The following GRM5 variants were observed in gnomAD, a reference collection of about 807,000 sequenced individuals.
GRM5 encodes glutamate metabotropic receptor 5, also known as metabotropic glutamate receptor 5.
A neutral mutation model predicts 83.1 loss-of-function variants in GRM5; 19 were observed. That is an observed-to-expected ratio of 0.23 (90% confidence interval 0.16 to 0.34). The LOEUF is 0.34. Ranked by LOEUF, GRM5 falls within the 10% of genes least tolerant of loss-of-function variation. The pLI, the probability that GRM5 is intolerant of heterozygous loss-of-function variation, is 1.00. For missense variants in GRM5, 1,160 were observed against 1,588.3 expected, an observed-to-expected ratio of 0.73 and a Z score of 4.58; for synonymous variants, 675 against 633.6, an observed-to-expected ratio of 1.07 and a Z score of -0.98.
intron 2 of GRM5, among the ~76,000 whole-genome samples, chr11:89,004,160 C>T (rs971598107): frequency 4.0e-5 from 6 of 148,734 alleles, no homozygotes; most frequent in African/African-American, 1.6e-4. Flanking sequence ...GTACTAAATG[C>T]TATGTTTTCA....
At chr11:88,866,870 A>T (rs1944676317) in intron 2 of GRM5, among the ~76,000 whole-genome samples, 2 of 152,098 alleles carry the variant, frequency 1.3e-5, no homozygotes, top group African/African-American at 4.8e-5. Flanking sequence ...TCCATCATGA[A>T]TTAATTTCTG....
At chr11:88,666,638 T>G (rs1370248917) in intron 3 of GRM5, among the ~76,000 whole-genome samples, 5 of 152,184 alleles carry the variant, frequency 3.3e-5, no homozygotes, top group Admixed American at 6.5e-5. Flanking sequence ...TAGTAACCAC[T>G]TTGAGTTTTT....
At chr11:88,883,791 G>A (rs930320418) in intron 2 of GRM5, among the ~76,000 whole-genome samples, 4 of 152,144 alleles carry the variant, frequency 2.6e-5, no homozygotes, top group Non-Finnish European at 5.9e-5. Context: ...ATGGTGCCTT[G>A]CATCCCAGCT....
intron 3 of GRM5, among the ~76,000 whole-genome samples, chr11:88,794,290 C>A (rs1193694636): frequency 6.6e-6 from 1 of 152,108 alleles, no homozygotes; most frequent in Non-Finnish European, 1.5e-5. Context: ...CCACTATTTG[C>A]ACTAAATTAA....
chr11:88,933,555 T>C (rs1464295403), intron 2 of GRM5, among the ~76,000 whole-genome samples: 3 of 151,936 alleles, frequency 2.0e-5, no homozygotes, highest in Non-Finnish European at 4.4e-5. Context: ...CTTTCAGTAG[T>C]GTTCTCAATT....
At chr11:88,513,219 A>T (rs1565318679) in intron 9 of GRM5, among the ~76,000 whole-genome samples, 1 of 152,030 alleles carries the variant, frequency 6.6e-6, no homozygotes, top group Non-Finnish European at 1.5e-5. Flanking sequence ...TGTCTATCTC[A>T]CCTGCTTGAT....
intron 6 of GRM5, among the ~76,000 whole-genome samples, chr11:88,591,153 C>CA (rs1278734320): frequency 2.0e-5 from 3 of 152,044 alleles, no homozygotes; most frequent in Non-Finnish European, 4.4e-5. Context: ...TAATTGTGAG[C>CA]AAAAAACATT....
At chr11:88,969,952 T>C (rs957562855) in intron 2 of GRM5, among the ~76,000 whole-genome samples, 3 of 152,130 alleles carry the variant, frequency 2.0e-5, no homozygotes, top group African/African-American at 4.8e-5. Context: ...TTATCTCTAA[T>C]GGGAACATAA....
intron 3 of GRM5, among the ~76,000 whole-genome samples, chr11:88,780,952 T>A (rs537259635): frequency 7.1e-4 from 108 of 152,168 alleles, no homozygotes; most frequent in African/African-American, 2.5e-3. Flanking sequence ...ATTTCTGTAG[T>A]CATTAAACAT....
chr11:88,803,834 T>G (rs1278608774), intron 3 of GRM5, among the ~76,000 whole-genome samples: 1 of 151,852 alleles, frequency 6.6e-6, no homozygotes, highest in Non-Finnish European at 1.5e-5. Context: ...CAAACAAATT[T>G]ACAAGAAAAA....
intron 8 of GRM5, among the ~76,000 whole-genome samples, chr11:88,530,784 G>A (rs538945566): frequency 1.3e-5 from 2 of 152,172 alleles, no homozygotes; most frequent in African/African-American, 4.8e-5. Context: ...ATTAGGTGAA[G>A]TAGCAGATAG....
chr11:88,955,021 C>T (rs1161465482), intron 2 of GRM5, among the ~76,000 whole-genome samples: 1 of 152,114 alleles, frequency 6.6e-6, no homozygotes, highest in Non-Finnish European at 1.5e-5. Flanking sequence ...ATGATATGGA[C>T]AATTTCTATA....
chr11:88,763,484 G>T (rs1404731131), intron 3 of GRM5, among the ~76,000 whole-genome samples: 1 of 151,780 alleles, frequency 6.6e-6, no homozygotes, highest in Admixed American at 6.6e-5. Context: ...ATTAACTTTG[G>T]TTAGTAAATC....
At chr11:88,829,261 G>GACC (rs1943945806) in intron 3 of GRM5, among the ~76,000 whole-genome samples, 2 of 152,220 alleles carry the variant, frequency 1.3e-5, no homozygotes, top group Non-Finnish European at 2.9e-5. Context: ...AGGAGTCTGA[G>GACC]ACCAGCCTGG....
chr11:88,772,640 C>T (rs7483607), intron 3 of GRM5, among the ~76,000 whole-genome samples: 79,962 of 151,720 alleles, frequency 0.53, 23,796 homozygotes, highest in Non-Finnish European at 0.7. Context: ...TGATGTTCCC[C>T]GCGCTGTGTC....
At chr11:88,925,375 C>G (rs910939097) in intron 2 of GRM5, among the ~76,000 whole-genome samples, 2 of 152,050 alleles carry the variant, frequency 1.3e-5, no homozygotes, top group African/African-American at 4.8e-5. Context: ...AAAGTCCCAC[C>G]TCATCCTCTG....
At chr11:88,765,084 C>T (rs1942601859) in intron 3 of GRM5, among the ~76,000 whole-genome samples, 1 of 151,272 alleles carries the variant, frequency 6.6e-6, no homozygotes, top group Non-Finnish European at 1.5e-5. Context: ...TGTACAGTAA[C>T]AATTTGATAA....
At chr11:88,948,533 T>C (rs190025095) in intron 2 of GRM5, among the ~76,000 whole-genome samples, 1 of 152,350 alleles carries the variant, frequency 6.6e-6, no homozygotes, top group East Asian at 1.9e-4. Context: ...AAGCATTATG[T>C]TTCCCAGTTA....
chr11:88,928,444 A>ATGTGTG (rs1252053389), intron 2 of GRM5, among the ~76,000 whole-genome samples: 13 of 43,016 alleles, frequency 3.0e-4, no homozygotes, highest in African/African-American at 1.0e-3. Flanking sequence ...ACAATCTATC[A>ATGTGTG]TATGTGTGTG....
Sources: allele counts gnomAD v4.1 joint callset (sites outside exome capture counted in the v4.1 genomes callset), GRCh38; gene constraint gnomAD v4.1.1; transcripts MANE v1.5; gene names NCBI Gene and HGNC (gene_info 2026-07-23, HGNC 2026-07-21).